The following ATAD5 variants were observed in gnomAD, a reference collection of about 807,000 sequenced individuals.
The protein encoded by ATAD5 is ATPase family AAA domain-containing protein 5.
ATAD5 carries 58 observed loss-of-function variants against 176.9 expected under a neutral mutation model. That is an observed-to-expected ratio of 0.33 (90% CI 0.27 to 0.41). ATAD5 has a LOEUF of 0.41. Ranked by LOEUF, ATAD5 falls within the 10% of genes least tolerant of loss-of-function variation. The pLI is 1.00. For synonymous variants in ATAD5, 640 were observed against 712.6 expected (o/e 0.90, Z 1.62); for missense variants, 1,789 against 2,094.1 (o/e 0.85, Z 2.84).
Position 30,868,412 on chromosome 17 carries a change from G to T in ATAD5, c.3313G>T (p.Asp1105Tyr). ...GGGAAAAAGAGATGAGAAACATGAA[G>T]GTATTTTGTGTGTCTTTTTTTTTTT... ...LKGKRDEKHE[D>Y]FSGGIDFKGS... The change falls in exon 12 of 23, where the codon GAT (aspartate) becomes TAT (tyrosine). Residue 1105 changes from aspartate (D) to tyrosine (Y), a missense_variant and splice_region_variant. Asp to Tyr is a radical substitution (Grantham distance 160). Coordinates refer to ENST00000321990, the MANE Select transcript of ATAD5 (RefSeq NM_024857.5). 2 of 1,522,066 alleles carry T rather than the reference G, an allele frequency of 1.3e-6. No individual in the cohort carries two copies. The highest frequency in any genetic ancestry group is 1.3e-5 in the South Asian group (1 of 76,814). 94.3% of individuals were successfully genotyped at this position (1,522,066 alleles called of 1,614,324 possible).
Position 30,835,887 on chromosome 17 carries a change from C to A in ATAD5, c.1806C>A (p.Ser602Arg). Residue 602 changes from serine to arginine, a missense_variant, in exon 2 of 23, where the codon AGC (serine) becomes AGA (arginine). Ser to Arg is a moderately radical substitution (Grantham distance 110, BLOSUM62 -1). Around this residue, in one of 6 missense-constraint regions of ATAD5, gnomAD observed 696 missense variants for 712.5 expected, o/e 0.98. Coordinates refer to ENST00000321990, the MANE Select transcript of ATAD5 (RefSeq NM_024857.5). ...CTAGAAGATCTGGAAGAATTAGCAG[C>A]ACACCTACTACAGAAACCATTAGAG... is the stretch of plus-strand genomic sequence containing the variant. ...KSTRRSGRIS[S>R]TPTTETIRGI... is the part of the protein sequence containing the mutation. 5.0e-6 allele frequency: 8 copies of A among 1,614,062 alleles called. No homozygotes were observed. The highest frequency in any genetic ancestry group is 6.8e-6 in the Non-Finnish European group (8 of 1,180,000).
At chr17:30,876,147 A>G (rs951202313) in intron 14 of ATAD5, among the ~76,000 whole-genome samples, 1 of 151,728 alleles carries the variant, frequency 6.6e-6, no homozygotes, top group African/African-American at 2.4e-5. Flanking sequence ...AAAAAAATAA[A>G]ATAAAATAAA....
Position 30,840,618 on chromosome 17 carries a change from C to T in ATAD5, c.2078C>T (p.Ala693Val). ...DGGFTSQIRK[A>V]SNTSKNISKA... is the part of the protein sequence containing the mutation. ...TTAATGTTTCAATTTTTTGTTTAGGCAAGCAATACTTCAAAAAACATATCA... is the reference window on the plus strand; with the variant it reads ...TTAATGTTTCAATTTTTTGTTTAGGTAAGCAATACTTCAAAAAACATATCA... Residue 693 changes from alanine (A) to valine (V), a missense_variant and splice_region_variant, in exon 4 of 23, where the codon GCA (alanine) becomes GTA (valine). Coordinates refer to ENST00000321990, the MANE Select transcript of ATAD5 (RefSeq NM_024857.5). The T allele has an allele frequency of 6.7e-7, 1 of 1,490,470 alleles. No individual in the cohort carries two copies. The highest frequency in any genetic ancestry group is 9.0e-7 in the Non-Finnish European group (1 of 1,115,268). 92.3% of individuals were successfully genotyped at this position (1,490,470 alleles called of 1,614,324 possible). A position where few individuals can be genotyped will look rare whatever the true frequency, so the allele number is the denominator to read the frequency against.
chr17:30,842,241 C>G (rs1906168380), intron 4 of ATAD5, among the ~76,000 whole-genome samples: 1 of 151,508 alleles, frequency 6.6e-6, no homozygotes, highest in Non-Finnish European at 1.5e-5. Context: ...TGCCTTCCAG[C>G]CTGGGTAACA....
chr17:30,878,038 G>T lies in ATAD5; in HGVS notation c.3954G>T (p.Leu1318Phe), dbSNP rs1480927969. ...DVIFDEDAGF[L>F]NAIKTFMATT... Reference sequence around the variant, plus strand: ...TTTTTGATGAAGATGCTGGGTTTTTGAATGCAATCAAAACATTCATGGCAA... The same window carrying T: ...TTTTTGATGAAGATGCTGGGTTTTTTAATGCAATCAAAACATTCATGGCAA... Residue 1318 changes from leucine (L) to phenylalanine (F), a missense_variant, in exon 17 of 23, where the codon TTG becomes TTT. Physicochemically the swap from Leu to Phe is conservative, Grantham distance 22 (BLOSUM62 0). Around this residue, in one of 6 missense-constraint regions of ATAD5, gnomAD observed 194 missense variants for 270.1 expected, o/e 0.72. Transcript: ENST00000321990. 3.1e-6 allele frequency: 5 copies of T among 1,611,330 alleles called. No homozygotes were observed. The highest frequency in any genetic ancestry group is 1.3e-5 in the African/African-American group (1 of 74,806).
intron 8 of ATAD5, among the ~76,000 whole-genome samples, 198 bp from the exon 9 acceptor site, chr17:30,857,963 A>G (rs1028667010): frequency 6.6e-6 from 1 of 152,108 alleles, no homozygotes. Flanking sequence ...GCTGGTCTCA[A>G]ACTCCTAACT....
At chr17:30,854,196 AAC>A in intron 6 of ATAD5, among the ~76,000 whole-genome samples, 2 of 138,794 alleles carry the variant, frequency 1.4e-5, no homozygotes, top group South Asian at 4.3e-4. Flanking sequence ...TAAAATCTAA[AAC>A]AAAATTTTTA....
intron 9 of ATAD5, among the ~76,000 whole-genome samples, chr17:30,859,687 G>A (rs1956801559): frequency 6.6e-6 from 1 of 151,120 alleles, no homozygotes; most frequent in African/African-American, 2.4e-5. Flanking sequence ...AAGAGACACG[G>A]TCTCACTTTG....
chr17:30,865,394 G>A (rs1040277279), intron 10 of ATAD5, among the ~76,000 whole-genome samples: 1 of 151,896 alleles, frequency 6.6e-6, no homozygotes, highest in African/African-American at 2.4e-5. Flanking sequence ...GGATGGTATC[G>A]ATCTCCTGAC....
intron 12 of ATAD5, 64 bp from the exon 13 acceptor site, chr17:30,869,184 T>G: frequency 6.5e-7 from 1 of 1,528,828 alleles, no homozygotes; most frequent in Non-Finnish European, 8.8e-7. Context: ...GATCACTGGG[T>G]TTCATAAGGT....
rs533965545 is a variant in ATAD5, at chr17:30,842,042, G to A, written c.2241+1261G>A. ...TCCCAGCACTTTGAGAGGCTGAGGC[G>A]GGAGGATCACGAGGTCAGGAGTTTG... On this transcript the variant is annotated intron_variant, in intron 4 of 22. Transcript: ENST00000321990. Among the ~76,000 whole-genome samples the A allele has an allele frequency of 4.6e-5, 7 of 152,192 alleles. No homozygotes were observed. In the East Asian group the frequency reaches 9.6e-4, roughly 21 times the overall value.
At chr17:30,885,375 A>G (rs560125110) in intron 18 of ATAD5, among the ~76,000 whole-genome samples, 2 of 152,020 alleles carry the variant, frequency 1.3e-5, no homozygotes, top group African/African-American at 4.8e-5. Flanking sequence ...GTACTCAATC[A>G]TGTTATCTGC....
At position 30,869,630 on chromosome 17, in the gene ATAD5, C is replaced by T; in HGVS notation, c.3591C>T (p.Tyr1197=). 2 of 1,593,222 alleles carry T rather than the reference C, an allele frequency of 1.3e-6. No homozygotes were observed. The highest frequency in any genetic ancestry group is 2.2e-5 in the East Asian group (1 of 44,706). Reference sequence around the variant, plus strand: ...AACCCTGTTTTTTTAATAGCTACTACATAGGCAAGTCACCAAGTAAGTAAA... The same window carrying T: ...AACCCTGTTTTTTTAATAGCTACTATATAGGCAAGTCACCAAGTAAGTAAA... The part of the protein sequence containing the change: ...SQKPCFFNSY[Y]IGKSPKKISS... The change falls in exon 14 of 23, where the codon TAC becomes TAT. Residue 1197 remains tyrosine, a synonymous_variant. Coordinates refer to ENST00000321990, the MANE Select transcript of ATAD5 (RefSeq NM_024857.5).
intron 14 of ATAD5, 86 bp from the exon 15 acceptor site, chr17:30,876,288 G>A (rs537390239): frequency 8.3e-7 from 1 of 1,210,626 alleles, no homozygotes; most frequent in East Asian, 2.6e-5. Context: ...ACTGTTAAGA[G>A]TAGAAATACA....
chr17:30,852,607 G>T (rs1033602581), intron 6 of ATAD5, among the ~76,000 whole-genome samples: 3 of 152,156 alleles, frequency 2.0e-5, no homozygotes, highest in African/African-American at 7.2e-5. Flanking sequence ...TCTGTAGATT[G>T]TACAAGCATG....
At chr17:30,849,477 C>A (rs1906738048) in intron 6 of ATAD5, among the ~76,000 whole-genome samples, 1 of 152,186 alleles carries the variant, frequency 6.6e-6, no homozygotes, top group South Asian at 2.1e-4. Context: ...ATCTTCATTT[C>A]TCTTTTTAAT....
In ATAD5 at chr17:30,855,242, T is replaced by G. The variant is rs1348013483; in HGVS notation, c.2550T>G (p.Ile850Met). 1.2e-6 allele frequency: 2 copies of G among 1,614,152 alleles called. No homozygotes were observed. Residue 850 changes from isoleucine to methionine, a missense_variant, in exon 7 of 23, where the codon ATT becomes ATG. Coordinates refer to ENST00000321990, the MANE Select transcript of ATAD5 (RefSeq NM_024857.5). ...TGCCAGATTTGTTGAAACGGCAAAT[T>G]GCAAAGAAAGCTGCTGCGCTGGATG... ...SGLPDLLKRQ[I>M]AKKAAALDVY... is the part of the protein sequence containing the mutation.
At chr17:30,874,578 G>T (rs1908547007) in intron 14 of ATAD5, among the ~76,000 whole-genome samples, 1 of 147,936 alleles carries the variant, frequency 6.8e-6, no homozygotes, top group Non-Finnish European at 1.5e-5. Context: ...GGAAAAAATG[G>T]TGTTTTTTAT....
At chr17:30,844,718 A>G in intron 5 of ATAD5, 117 bp from the exon 6 acceptor site, 1 of 812,380 alleles carries the variant, frequency 1.2e-6, no homozygotes, top group Middle Eastern at 4.0e-4. Context: ...ACTGCACTCC[A>G]GCTTGGGCTA....
Sources: gnomAD v4.1 joint callset for allele counts (sites outside exome capture counted in the v4.1 genomes callset) on GRCh38, gnomAD v4.1.1 for gene constraint, gnomAD v4.1.1 regional missense constraint, MANE v1.5 for transcripts, NCBI Gene and HGNC (gene_info 2026-07-23, HGNC 2026-07-21) for gene names.